Variants in ELMOD3 observed in about 807,000 individuals in gnomAD.
The protein encoded by ELMOD3 is ELMO domain containing 3, also known as ELMO domain-containing protein 3.
A neutral mutation model predicts 47.4 loss-of-function variants in ELMOD3; 36 were observed. The ratio of observed to expected loss-of-function variants is 0.76; its 90% CI spans 0.58 to 1.00. The LOEUF (loss-of-function observed/expected upper bound fraction) is 1.00, where lower values mean the gene tolerates loss of function less well. ELMOD3 is among the 50% of genes least tolerant of loss of function. The pLI, the probability that ELMOD3 is intolerant of heterozygous loss-of-function variation, is 0.00. For missense variants in ELMOD3, 404 were observed against 463.8 expected, an observed-to-expected ratio of 0.87 and a Z score of 1.18; for synonymous variants, 149 against 183.5, an observed-to-expected ratio of 0.81 and a Z score of 1.52.
chr2:85,364,833 T>A (rs1196050465), intron 6 of ELMOD3, among the ~76,000 whole-genome samples: 252 of 109,472 alleles, frequency 2.3e-3, no homozygotes, highest in Middle Eastern at 9.5e-3. Context: ...ATATTTTTTT[T>A]TTTTTTTTTT....
intron 10 of ELMOD3, among the ~76,000 whole-genome samples, chr2:85,373,461 C>G (rs1318602121): frequency 6.6e-6 from 1 of 151,986 alleles, no homozygotes; most frequent in Non-Finnish European, 1.5e-5. Context: ...AGGAGGGGTT[C>G]TCACGAAGAA....
Position 85,391,059 on chromosome 2 carries a change from T to C in ELMOD3, c.*97T>C. 1 of 1,225,342 alleles carries C rather than the reference T, an allele frequency of 8.2e-7. No homozygotes were observed. Among genetic ancestry groups the C allele is most frequent in the Non-Finnish European group, 1.1e-6 (1 of 881,014 alleles). 75.9% of individuals were successfully genotyped at this position (1,225,342 alleles called of 1,614,324 possible). A position where few individuals can be genotyped will look rare whatever the true frequency, so the allele number is the denominator to read the frequency against. On this transcript the variant is annotated 3_prime_UTR_variant, in exon 14 of 14. Transcript: ENST00000409013. ...AGCCTGGCCAGGCCGCACCCCTTGC[T>C]GTCTCAGCAGATGGGATATAGGAAG...
In ELMOD3 at chr2:85,367,403, CTG is replaced by C. The variant is rs147335548; in HGVS notation, c.200-1280_200-1279del. ...TTGATTCCAGCAGAGGGAGAGCAGTCTGTGAAAAGGCACCAAGGGTGGGAGAG... is the reference window on the plus strand; with the variant it reads ...TTGATTCCAGCAGAGGGAGAGCAGTCTGAAAAGGCACCAAGGGTGGGAGAG... On this transcript the variant is annotated intron_variant, in intron 6 of 13. Coordinates refer to ENST00000409013, the MANE Select transcript of ELMOD3 (RefSeq NM_001135022.2). Among the ~76,000 whole-genome samples the C allele has an allele frequency of 4.3e-3, 654 of 152,294 alleles. 14 individuals carry two copies. In the East Asian group the frequency reaches 0.062, roughly 14 times the overall value.
chr2:85,371,225 G>C lies in ELMOD3; in HGVS notation c.484+16G>C, dbSNP rs760198766. On this transcript the variant is annotated intron_variant, in intron 9 of 13. Coordinates refer to ENST00000409013, the MANE Select transcript of ELMOD3 (RefSeq NM_001135022.2). ...ATTGCTCAGTGTGAGTGCAATGCGAGCCCACAGGGCAGTTGCTGCATCTGT... is the reference window on the plus strand; with the variant it reads ...ATTGCTCAGTGTGAGTGCAATGCGACCCCACAGGGCAGTTGCTGCATCTGT... 8 of 1,614,092 alleles carry C rather than the reference G, an allele frequency of 5.0e-6. No individual in the cohort carries two copies. The highest frequency in any genetic ancestry group is 5.1e-6 in the Non-Finnish European group (6 of 1,180,044).
intron 11 of ELMOD3, among the ~76,000 whole-genome samples, chr2:85,382,293 G>T (rs964722953): frequency 6.6e-6 from 1 of 150,996 alleles, no homozygotes; most frequent in Admixed American, 6.6e-5. Flanking sequence ...CAAAAAATTA[G>T]CTGGGTGTGA....
chr2:85,362,377 A>G, intron 5 of ELMOD3, 117 bp downstream of exon 5: 1 of 725,546 alleles, frequency 1.4e-6, no homozygotes, highest in South Asian at 1.6e-5. Flanking sequence ...CTTAGCTTCC[A>G]AGAGCTCACA....
intron 5 of ELMOD3, 82 bp downstream of exon 5, chr2:85,362,342 C>G (rs934717991): frequency 4.4e-6 from 4 of 900,224 alleles, no homozygotes; most frequent in Non-Finnish European, 7.5e-6. Flanking sequence ...GTGGTAGACG[C>G]TGGGGACACA....
Position 85,371,351 on chromosome 2 carries a change from TCA to T in ELMOD3, c.485-86_485-85del. ...GAGTGGGAGCTGAGAACTGGATGTC[TCA>T]CAGTCCAGATCTCACATTCTCTGAG... is the stretch of plus-strand genomic sequence containing the variant. On this transcript the variant is annotated intron_variant, in intron 9 of 13. Transcript: ENST00000409013. 4 of 1,596,594 alleles carry T rather than the reference TCA, an allele frequency of 2.5e-6. No individual in the cohort carries two copies. In the South Asian group the frequency reaches 3.3e-5, roughly 13 times the overall value.
intron 6 of ELMOD3, among the ~76,000 whole-genome samples, 169 bp downstream of exon 6, chr2:85,363,335 A>G (rs1684120297): frequency 1.3e-5 from 2 of 152,198 alleles, no homozygotes; most frequent in African/African-American, 4.8e-5. Flanking sequence ...GAATCAAAAG[A>G]CCAGAGTTCT....
In ELMOD3 at chr2:85,390,480, T is replaced by C. The variant is rs1198220511; in HGVS notation, c.943+215T>C. On this transcript the variant is annotated intron_variant, in intron 13 of 13. Coordinates refer to ENST00000409013, the MANE Select transcript of ELMOD3 (RefSeq NM_001135022.2). ...TCGCCCTTTTCTGGTCTTATACTTA[T>C]GACAAGCATATATTCTGATCAAAAA... is the stretch of plus-strand genomic sequence containing the variant. 6.8e-6 allele frequency: 11 copies of C among 1,613,446 alleles called. No individual in the cohort carries two copies. In the East Asian group the frequency reaches 8.9e-5, roughly 13 times the overall value.
At chr2:85,383,373 G>A (rs1685723598) in intron 11 of ELMOD3, among the ~76,000 whole-genome samples, 2 of 151,810 alleles carry the variant, frequency 1.3e-5, no homozygotes, top group African/African-American at 4.8e-5. Flanking sequence ...GCAGTGAGCT[G>A]TGATTGTGTC....
At position 85,376,873 on chromosome 2, in the gene ELMOD3, CA is replaced by C. The variant is rs1685197326; in HGVS notation, c.608-470del. 6.6e-6 allele frequency: 1 copy of C among 152,216 alleles called. No individual in the cohort carries two copies. The highest frequency in any genetic ancestry group is 1.5e-5 in the Non-Finnish European group (1 of 68,072). 9.4% of individuals were successfully genotyped at this position (152,216 alleles called of 1,614,324 possible). ...GGGATATATTAGGCAAAAAGAAACC[CA>C]GGAATTCACCAGAGAGTCATTTCTC... is the stretch of plus-strand genomic sequence containing the variant. On this transcript the variant is annotated intron_variant, in intron 10 of 13. Transcript: ENST00000409013. This position sits in a 1 kb window ranked among gnomAD's most constrained non-coding sequence, Gnocchi z 4.2.
At chr2:85,389,437 A>G (rs73945726) in intron 11 of ELMOD3, 4,357 of 394,232 alleles carry the variant, frequency 0.011, 166 homozygotes, top group African/African-American at 0.081. Flanking sequence ...GCTGCAGGCC[A>G]AGGAGAGCTG....
At position 85,358,688 on chromosome 2, in the gene ELMOD3, C is replaced by CA. The variant is rs879597875; in HGVS notation, c.54+1447dup. Among the ~76,000 whole-genome samples, 690 of 137,254 alleles carry CA rather than the reference C, an allele frequency of 5.0e-3. 12 individuals carry two copies. In the East Asian group the frequency reaches 0.068, roughly 14 times the overall value. 90.0% of individuals were successfully genotyped at this position (137,254 alleles called of 152,430 possible). On this transcript the variant is annotated intron_variant, in intron 4 of 13. Coordinates refer to ENST00000409013, the MANE Select transcript of ELMOD3 (RefSeq NM_001135022.2). ...GTTTAATGAGCATTAGTTGGAAAGG[C>CA]AAAAAAAAAAAGCAGAAGGATTAGA... is the stretch of plus-strand genomic sequence containing the variant.
At chr2:85,368,053 G>A (rs867844792) in intron 6 of ELMOD3, among the ~76,000 whole-genome samples, 19 of 152,226 alleles carry the variant, frequency 1.2e-4, no homozygotes, top group Middle Eastern at 6.8e-3. Flanking sequence ...TGGGACTACA[G>A]GCGCCTGCCA....
rs201052944 is a variant in ELMOD3 at position 85,371,131 on chromosome 2, C to T, written c.406C>T (p.Arg136Ter). 3.8e-5 allele frequency: 61 copies of T among 1,614,120 alleles called. No homozygotes were observed. The highest frequency in any genetic ancestry group is 2.4e-4 in the East Asian group (11 of 44,900). ...TCGAAGGACTGGGCTCGCCGCCCTC[C>T]GACACTACCTCTTCGGGCCTCCAAA... Reference protein sequence around the residue: ...TIRRTGLAALRHYLFGPPKLH... With the variant: ...TIRRTGLAAL The change falls in exon 9 of 14, where the codon CGA becomes TGA. Residue 136 changes from arginine (R) to a stop codon, truncating the protein, a stop_gained. Transcript: ENST00000409013. LOFTEE classifies it high-confidence loss of function.
At position 85,376,367 on chromosome 2, in the gene ELMOD3, C is replaced by T. The variant is rs1338882235; in HGVS notation, c.608-977C>T. 3.3e-5 allele frequency among the ~76,000 whole-genome samples: 5 copies of T among 152,176 alleles called. No individual in the cohort carries two copies. The East Asian group carries it at 9.6e-4, about 29-fold the overall frequency. On this transcript the variant is annotated intron_variant, in intron 10 of 13. Transcript: ENST00000409013. The surrounding 1 kb of genome is among the most constrained non-coding windows in gnomAD (Gnocchi z 4.2). ...ACTGTGCCAGCAGGGGAAGGAGGGACGTCACCATGTTACTGCCAGGTGGGG... is the reference window on the plus strand; with the variant it reads ...ACTGTGCCAGCAGGGGAAGGAGGGATGTCACCATGTTACTGCCAGGTGGGG...
chr2:85,384,231 G>A (rs757106745), intron 11 of ELMOD3, among the ~76,000 whole-genome samples: 2 of 152,238 alleles, frequency 1.3e-5, no homozygotes, highest in Non-Finnish European at 2.9e-5. Flanking sequence ...TTTCCCTTTA[G>A]CTTAGTGATT....
At chr2:85,355,405 C>T (rs573701563) in intron 2 of ELMOD3, 150 bp from the exon 3 acceptor site, 10 of 152,304 alleles carry the variant, frequency 6.6e-5, no homozygotes, top group African/African-American at 2.4e-4. Flanking sequence ...CATACCCCCT[C>T]CTTGCCTAAA....
Sources: allele counts gnomAD v4.1 joint callset (sites outside exome capture counted in the v4.1 genomes callset), GRCh38; gene constraint gnomAD v4.1.1; non-coding constraint Gnocchi (gnomAD v3.1); transcripts MANE v1.5; gene names NCBI Gene and HGNC (gene_info 2026-07-23, HGNC 2026-07-21).